WDFY4: variants seen among roughly 807,000 people sequenced by gnomAD.
WDFY4 encodes WDFY family member 4, also known as WD repeat- and FYVE domain-containing protein 4.
In WDFY4, 169 loss-of-function variants were observed where a neutral mutation model predicts 351.9. The ratio of observed to expected loss-of-function variants is 0.48; its 90% CI spans 0.42 to 0.55. The LOEUF (loss-of-function observed/expected upper bound fraction) is 0.55, where lower values mean the gene tolerates loss of function less well. Ranked by LOEUF, WDFY4 falls within the 20% of genes least tolerant of loss-of-function variation. WDFY4 has a pLI of 0.00. For synonymous variants in WDFY4, 1,622 were observed against 1,574.6 expected (o/e 1.03, Z -0.71); for missense variants, 3,803 against 3,935.6 (o/e 0.97, Z 0.90).
intron 39 of WDFY4, among the ~76,000 whole-genome samples, chr10:48,857,368 G>T (rs776801999): frequency 6.6e-6 from 1 of 151,634 alleles, no homozygotes; most frequent in Non-Finnish European, 1.5e-5. Flanking sequence ...AGCTCTTGGT[G>T]GTGGGGAATA....
At position 48,900,302 on chromosome 10, in the gene WDFY4, A is replaced by C; in HGVS notation, c.7519A>C (p.Lys2507Gln). 6.4e-7 allele frequency: 1 copy of C among 1,550,904 alleles called. No individual in the cohort carries two copies. The highest frequency in any genetic ancestry group is 1.4e-5 in the African/African-American group (1 of 73,046). Residue 2507 changes from lysine (K) to glutamine (Q), a missense_variant, in exon 46 of 62, where the codon AAA becomes CAA. Lys to Gln is a moderately conservative substitution (Grantham distance 53, BLOSUM62 1). Around this residue, in one of 3 missense-constraint regions of WDFY4, gnomAD observed 3,054 missense variants for 3,148.6 expected, o/e 0.97. Coordinates refer to ENST00000325239, the MANE Select transcript of WDFY4 (RefSeq NM_001394531.1). ...FYNNDRSKAF[K>Q]SFCSFQPSLK... ...CAACAATGATCGGAGTAAGGCCTTT[A>C]AAAGGTAAGAGCTTGAAAATCCTCC...
chr10:48,709,914 G>C lies in WDFY4; in HGVS notation c.182G>C (p.Ser61Thr). Residue 61 changes from serine (S) to threonine (T), a missense_variant, in exon 2 of 62, where the codon AGC becomes ACC. Coordinates refer to ENST00000325239, the MANE Select transcript of WDFY4 (RefSeq NM_001394531.1). ...GAATACCAGCAGTTGACTCACAAGA[G>C]CCCCATTGAGCGTCAGAAGAGCCTG... ...FLEYQQLTHK[S>T]PIERQKSLLS... 1.3e-6 allele frequency: 2 copies of C among 1,552,182 alleles called. No homozygotes were observed. The highest frequency in any genetic ancestry group is 1.2e-5 in the South Asian group (1 of 84,064).
chr10:48,906,101 A>T (rs1201630943), intron 47 of WDFY4, among the ~76,000 whole-genome samples: 1 of 152,252 alleles, frequency 6.6e-6, no homozygotes, highest in Non-Finnish European at 1.5e-5. Context: ...GGCAATAATC[A>T]TAGAATGAGT....
At chr10:48,930,428 A>G (rs1245964916) in intron 47 of WDFY4, among the ~76,000 whole-genome samples, 1 of 152,220 alleles carries the variant, frequency 6.6e-6, no homozygotes, top group Non-Finnish European at 1.5e-5. Context: ...TTGTTTGACC[A>G]TGAGAACAAG....
At chr10:48,759,414 C>T (rs1406411069) in intron 12 of WDFY4, among the ~76,000 whole-genome samples, 5 of 152,134 alleles carry the variant, frequency 3.3e-5, no homozygotes. Context: ...TGGTATCTGT[C>T]TCTGGGGCCA....
Position 48,790,709 on chromosome 10 carries a change from C to T in WDFY4, c.4067-18C>T. ...AAGCTGTGACATGTTGATGAAATGCCCACTTTATGCCACACAGGGGTGAGG... is the reference window on the plus strand; with the variant it reads ...AAGCTGTGACATGTTGATGAAATGCTCACTTTATGCCACACAGGGGTGAGG... On this transcript the variant is annotated intron_variant, in intron 22 of 61. Transcript: ENST00000325239. 1 of 1,548,010 alleles carries T rather than the reference C, an allele frequency of 6.5e-7. No individual in the cohort carries two copies. Among genetic ancestry groups the T allele is most frequent in the Admixed American group, 2.0e-5 (1 of 50,680 alleles).
In WDFY4 at chr10:48,805,338, C is replaced by A; in HGVS notation, c.4563C>A (p.Ser1521Arg). The A allele has an allele frequency of 6.5e-7, 1 of 1,548,872 alleles. No individual in the cohort carries two copies. Among genetic ancestry groups the A allele is most frequent in the East Asian group, 2.4e-5 (1 of 40,894 alleles). Residue 1521 changes from serine (S) to arginine (R), a missense_variant, in exon 26 of 62, where the codon AGC becomes AGA. By Grantham distance (110) the Ser-to-Arg change is moderately radical. Transcript: ENST00000325239. ...TCATCTTCCTATTCAATGAGCCGAG[C>A]CTCATCCCCTCCAAGATCTCCACCA... ...PKLIFLFNEP[S>R]LIPSKISTII...
intron 20 of WDFY4, 93 bp from the exon 21 acceptor site, chr10:48,788,437 C>G: frequency 7.1e-7 from 1 of 1,402,886 alleles, no homozygotes. Context: ...TCAATGATTA[C>G]TTTGCTGTGT....
At chr10:48,951,452 T>C in intron 51 of WDFY4, among the ~76,000 whole-genome samples, 1 of 152,066 alleles carries the variant, frequency 6.6e-6, no homozygotes, top group Non-Finnish European at 1.5e-5. Context: ...TCTTGCTCTG[T>C]CACTCAGGCT....
At chr10:48,795,499 A>G (rs1419089572) in intron 23 of WDFY4, among the ~76,000 whole-genome samples, 1 of 104,602 alleles carries the variant, frequency 9.6e-6, no homozygotes, top group Non-Finnish European at 1.8e-5. Context: ...CTGTATATAT[A>G]TATATATATA....
At chr10:48,770,587 T>C (rs1017420570) in intron 13 of WDFY4, among the ~76,000 whole-genome samples, 3 of 150,290 alleles carry the variant, frequency 2.0e-5, no homozygotes, top group African/African-American at 7.4e-5. Context: ...ACTTTTTTGT[T>C]TTGAGAAGAG....
In WDFY4 at chr10:48,947,025, C is replaced by T. The variant is rs1258852463; in HGVS notation, c.7977+56C>T. 9 of 1,303,208 alleles carry T rather than the reference C, an allele frequency of 6.9e-6. No individual in the cohort carries two copies. The Admixed American group carries it at 8.0e-5, about 12-fold the overall frequency. The allele number at this position is 1,303,208 out of a possible 1,614,324, so 80.7% of individuals were successfully genotyped here. On this transcript the variant is annotated intron_variant, in intron 51 of 61. Transcript: ENST00000325239. ...ACACACACACACACACACACATACGCCTGTATCACAAGACTAAGACCTGTG... is the reference window on the plus strand; with the variant it reads ...ACACACACACACACACACACATACGTCTGTATCACAAGACTAAGACCTGTG...
intron 43 of WDFY4, among the ~76,000 whole-genome samples, chr10:48,881,633 C>T (rs1476256834): frequency 6.6e-6 from 1 of 152,194 alleles, no homozygotes; most frequent in Admixed American, 6.5e-5. Context: ...AAGCAGGCCC[C>T]AGGAATTCAC....
rs536139553 is a variant in WDFY4, at chr10:48,744,325, G to A, written c.2459+777G>A. The stretch of plus-strand genomic sequence containing the variant: ...AAGACACTGCATTTTTATCCAGAGT[G>A]CCCCGTTTGCCAGACTTCAGTGTTG... On this transcript the variant is annotated intron_variant, in intron 12 of 61. Coordinates refer to ENST00000325239, the MANE Select transcript of WDFY4 (RefSeq NM_001394531.1). Among the ~76,000 whole-genome samples, 12 of 152,318 alleles carry A rather than the reference G, an allele frequency of 7.9e-5. No individual in the cohort carries two copies. In the East Asian group the frequency reaches 2.3e-3, roughly 29 times the overall value.
intron 39 of WDFY4, among the ~76,000 whole-genome samples, chr10:48,843,975 C>A (rs1216618975): frequency 6.6e-6 from 1 of 152,180 alleles, no homozygotes; most frequent in Middle Eastern, 3.2e-3. Context: ...CGGCAGATGG[C>A]CGTGGAGGGG....
rs143378048 is a variant in WDFY4 at position 48,796,982 on chromosome 10, C to G, written c.4410+532C>G. ...CCTCTGGGTCAGGTACTGGCCATGT[C>G]CTGGAGACACAGTGAAAACTAGAAC... On this transcript the variant is annotated intron_variant, in intron 24 of 61. Coordinates refer to ENST00000325239, the MANE Select transcript of WDFY4 (RefSeq NM_001394531.1). Among the ~76,000 whole-genome samples the G allele has an allele frequency of 7.0e-4, 107 of 152,220 alleles. No individual in the cohort carries two copies. The East Asian group carries it at 0.019, about 27-fold the overall frequency.
chr10:48,787,942 CTTCTTCTTCTT>C (rs1565199097), intron 20 of WDFY4, among the ~76,000 whole-genome samples: 27 of 104,498 alleles, frequency 2.6e-4, no homozygotes, highest in Non-Finnish European at 3.8e-4. Flanking sequence ...TCTTCTTCTT[CTTCTTCTTCTT>C]CTTCTTCTTC....
rs1212343496 is a variant in WDFY4, at chr10:48,803,321, C to G, written c.4446C>G (p.Ser1482Arg). The change falls in exon 25 of 62, where the codon AGC becomes AGG. Residue 1482 changes from serine to arginine, a missense_variant. Ser to Arg is a moderately radical substitution (Grantham distance 110). Transcript: ENST00000325239. ...ATACTGCAGACAATCTGGAGCTCAG[C>G]CTCTTTTCCCATCTTTTGGAAATCC... ...WMNTADNLEL[S>R]LFSHLLEILQ... 6.4e-7 allele frequency: 1 copy of G among 1,551,912 alleles called. No homozygotes were observed. The highest frequency in any genetic ancestry group is 1.4e-5 in the African/African-American group (1 of 73,168).
intron 6 of WDFY4, 83 bp downstream of exon 6, chr10:48,726,153 T>C: frequency 7.0e-7 from 1 of 1,430,618 alleles, no homozygotes; most frequent in African/African-American, 1.4e-5. Flanking sequence ...GGGCCCACTT[T>C]CTACAATGAG....
Sources: allele counts gnomAD v4.1 joint callset (sites outside exome capture counted in the v4.1 genomes callset), GRCh38; gene constraint gnomAD v4.1.1; regional missense constraint gnomAD v4.1.1; transcripts MANE v1.5; gene names NCBI Gene and HGNC (gene_info 2026-07-23, HGNC 2026-07-21).